NUDT13: variants seen among roughly 807,000 people sequenced by gnomAD.
The protein encoded by NUDT13 is nudix hydrolase 13.
In NUDT13, 40 loss-of-function variants were observed where a neutral mutation model predicts 41.7. The ratio of observed to expected loss-of-function variants is 0.96; its 90% confidence interval spans 0.75 to 1.25. NUDT13 has a LOEUF of 1.25. Among genes scored for constraint, NUDT13 ranks in the 50% most tolerant of loss-of-function variants. The pLI, the probability that NUDT13 is intolerant of heterozygous loss-of-function variation, is 0.00. For synonymous variants in NUDT13, 145 were observed against 155.5 expected (o/e 0.93, Z 0.50); for missense variants, 390 against 416.1 (o/e 0.94, Z 0.55).
chr10:73,122,331 G>A (rs374975207), intron 4 of NUDT13, 22 bp downstream of exon 4: 46 of 1,595,912 alleles, frequency 2.9e-5, no homozygotes, highest in African/African-American at 1.6e-4. Context: ...TATTCCTAAC[G>A]GGTACTTCCC....
chr10:73,130,791 C>G lies in NUDT13; in HGVS notation c.947C>G (p.Thr316Ser). ...ATALKRKGPY[T>S]QQQNGTFPFW... Reference sequence around the variant, plus strand: ...GCCCTGAAGAGAAAGGGCCCCTATACTCAGCAACAGAATGGGACTTTCCCA... The same window carrying G: ...GCCCTGAAGAGAAAGGGCCCCTATAGTCAGCAACAGAATGGGACTTTCCCA... The change falls in exon 9 of 9, where the codon ACT (threonine) becomes AGT (serine). Residue 316 changes from threonine (T) to serine (S), a missense_variant. Coordinates refer to ENST00000357321, the MANE Select transcript of NUDT13 (RefSeq NM_015901.6). The G allele has an allele frequency of 6.2e-7, 1 of 1,613,864 alleles. No homozygotes were observed. The highest frequency in any genetic ancestry group is 8.5e-7 in the Non-Finnish European group (1 of 1,179,922).
chr10:73,126,877 A>G (rs1182894520), intron 8 of NUDT13, 50 bp downstream of exon 8: 2 of 1,514,272 alleles, frequency 1.3e-6, no homozygotes, highest in African/African-American at 1.4e-5. Flanking sequence ...GCTTCATCCA[A>G]CCTGCTCATC....
At chr10:73,118,437 A>G (rs1459283347) in intron 2 of NUDT13, among the ~76,000 whole-genome samples, 2 of 152,196 alleles carry the variant, frequency 1.3e-5, no homozygotes, top group African/African-American at 4.8e-5. Flanking sequence ...CCACTTGACA[A>G]AAGAAGCCAG....
At chr10:73,129,553 T>G (rs1487715951) in intron 8 of NUDT13, among the ~76,000 whole-genome samples, 1 of 152,108 alleles carries the variant, frequency 6.6e-6, no homozygotes, top group Non-Finnish European at 1.5e-5. Flanking sequence ...AGTTTGCCTA[T>G]TGTATGTTTT....
chr10:73,125,847 G>A (rs1842761925), intron 7 of NUDT13, among the ~76,000 whole-genome samples: 1 of 151,522 alleles, frequency 6.6e-6, no homozygotes, highest in African/African-American at 2.4e-5. Context: ...ACCATGCCCG[G>A]CTAATTTTTA....
chr10:73,125,407 G>A lies in NUDT13; in HGVS notation c.601G>A (p.Val201Met). Reference sequence around the variant, plus strand: ...CATTCCCCTTTCCTAGATGGCTCCTGTGGCGATCACGCTGGTGTCAGATGG... The same window carrying A: ...CATTCCCCTTTCCTAGATGGCTCCTATGGCGATCACGCTGGTGTCAGATGG... Reference protein sequence around the residue: ...NIIYYPQMAPVAITLVSDGTR... With the variant: ...NIIYYPQMAPMAITLVSDGTR... The change falls in exon 7 of 9, where the codon GTG becomes ATG. Residue 201 changes from valine to methionine, a missense_variant. Transcript: ENST00000357321. 5 of 1,613,770 alleles carry A rather than the reference G, an allele frequency of 3.1e-6. No individual in the cohort carries two copies. The highest frequency in any genetic ancestry group is 3.4e-6 in the Non-Finnish European group (4 of 1,179,878).
chr10:73,124,512 C>T, intron 5 of NUDT13, 192 bp downstream of exon 5: 1 of 540,908 alleles, frequency 1.8e-6, no homozygotes, highest in South Asian at 2.6e-5. Context: ...TTGTTTTTGG[C>T]AGAACCACTG....
Position 73,131,083 on chromosome 10 carries a change from G to A in NUDT13, c.*180G>A, listed in dbSNP as rs1198789525. ...GTTAATGGAAGAAATTCCTACCAAT[G>A]GGCAATCAAAAAAGCCAGTGTGAGA... is the stretch of plus-strand genomic sequence containing the variant. On this transcript the variant is annotated 3_prime_UTR_variant, in exon 9 of 9. Coordinates refer to ENST00000357321, the MANE Select transcript of NUDT13 (RefSeq NM_015901.6). 7 of 508,102 alleles carry A rather than the reference G, an allele frequency of 1.4e-5. No individual in the cohort carries two copies. The highest frequency in any genetic ancestry group is 1.2e-4 in the African/African-American group (6 of 51,754). 31.5% of individuals were successfully genotyped at this position (508,102 alleles called of 1,614,324 possible).
chr10:73,122,112 C>T, intron 3 of NUDT13, 63 bp from the exon 4 acceptor site: 1 of 1,550,266 alleles, frequency 6.5e-7, no homozygotes, highest in Non-Finnish European at 8.7e-7. Flanking sequence ...TCTAATATGG[C>T]TGTAGTGATT....
intron 8 of NUDT13, among the ~76,000 whole-genome samples, chr10:73,129,161 C>T (rs982872756): frequency 2.1e-5 from 3 of 144,484 alleles, no homozygotes; most frequent in African/African-American, 5.3e-5. Flanking sequence ...AAACTTAAGA[C>T]GTTGTCTTTT....
At chr10:73,129,580 C>T (rs1052703255) in intron 8 of NUDT13, among the ~76,000 whole-genome samples, 5 of 151,616 alleles carry the variant, frequency 3.3e-5, no homozygotes, top group African/African-American at 9.7e-5. Context: ...TATAGAATAT[C>T]TAATCTATTT....
At chr10:73,122,755 T>TC (rs1842676769) in intron 4 of NUDT13, among the ~76,000 whole-genome samples, 1 of 151,438 alleles carries the variant, frequency 6.6e-6, no homozygotes, top group African/African-American at 2.4e-5. Context: ...ATTTTTTTTT[T>TC]TTTTTAATAG....
chr10:73,124,179 ATTGT>A lies in NUDT13; in HGVS notation c.359-32_359-29del, dbSNP rs892059497. The A allele has an allele frequency of 3.4e-6, 5 of 1,458,692 alleles. No homozygotes were observed. The African/African-American group carries it at 4.2e-5, about 12-fold the overall frequency. 90.4% of individuals were successfully genotyped at this position (1,458,692 alleles called of 1,614,324 possible). Reference sequence around the variant, plus strand: ...GAGAGGCCCTGAGGCAAAGTTTGTCATTGTTTAATTTCATTATCTTTTCTAATTT... The same window carrying A: ...GAGAGGCCCTGAGGCAAAGTTTGTCATTAATTTCATTATCTTTTCTAATTT... On this transcript the variant is annotated intron_variant, in intron 4 of 8. Transcript: ENST00000357321.
intron 3 of NUDT13, among the ~76,000 whole-genome samples, chr10:73,120,832 G>C (rs892811351): frequency 1.3e-5 from 2 of 151,932 alleles, no homozygotes; most frequent in Non-Finnish European, 2.9e-5. Context: ...CAGCTACTCG[G>C]GAGGCTGAGG....
At chr10:73,128,818 A>C (rs1178897777) in intron 8 of NUDT13, among the ~76,000 whole-genome samples, 1 of 152,158 alleles carries the variant, frequency 6.6e-6, no homozygotes, top group Non-Finnish European at 1.5e-5. Context: ...GCCCAGTCTA[A>C]TGTCTAGAAA....
intron 8 of NUDT13, among the ~76,000 whole-genome samples, chr10:73,129,345 G>C (rs1470745914): frequency 6.6e-6 from 1 of 151,682 alleles, no homozygotes; most frequent in East Asian, 1.9e-4. Flanking sequence ...GCTAATTTTT[G>C]TATTTTTATT....
rs183022360 is a variant in NUDT13 at position 73,130,487 on chromosome 10, T to C, written c.859-216T>C. 182 of 286,486 alleles carry C rather than the reference T, an allele frequency of 6.4e-4. 3 individuals are homozygous for C. The highest frequency in any genetic ancestry group is 7.9e-4 in the South Asian group (19 of 23,914). The allele number at this position is 286,486 out of a possible 1,614,324, so 17.7% of individuals were successfully genotyped here. On this transcript the variant is annotated intron_variant, in intron 8 of 8. Transcript: ENST00000357321. ...AAAAAAAAAAAAATATATATATATA[T>C]ACACACACACACACACACATATAAA... is the stretch of plus-strand genomic sequence containing the variant.
intron 2 of NUDT13, chr10:73,115,022 T>C (rs1231735974): frequency 2.0e-5 from 3 of 152,158 alleles, no homozygotes; most frequent in Admixed American, 6.5e-5. Flanking sequence ...AGAGAGCCTC[T>C]GGATAGCTGA....
intron 4 of NUDT13, 129 bp from the exon 5 acceptor site, chr10:73,124,085 C>G: frequency 3.2e-6 from 2 of 629,050 alleles, no homozygotes; most frequent in Non-Finnish European, 2.8e-6. Flanking sequence ...TACAGGCACA[C>G]GCCCCCCACA....
Sources: allele counts gnomAD v4.1 joint callset (sites outside exome capture counted in the v4.1 genomes callset), GRCh38; gene constraint gnomAD v4.1.1; transcripts MANE v1.5; gene names NCBI Gene and HGNC (gene_info 2026-07-23, HGNC 2026-07-21).